Variants in ENOX1 observed in about 807,000 individuals in gnomAD.
ENOX1 encodes candidate growth-related and time keeping constitutive hydroquinone (NADH) oxidase.
A neutral mutation model predicts 82.5 loss-of-function variants in ENOX1; 42 were observed. That is an observed-to-expected ratio of 0.51 (90% CI 0.40 to 0.66). The LOEUF (loss-of-function observed/expected upper bound fraction) is 0.66, where lower values mean the gene tolerates loss of function less well. Ranked by LOEUF, ENOX1 falls within the 30% of genes least tolerant of loss-of-function variation. ENOX1 has a pLI of 0.00. For synonymous variants in ENOX1, 271 were observed against 282.2 expected (o/e 0.96, Z 0.40); for missense variants, 608 against 811.6 (o/e 0.75, Z 3.05).
intron 2 of ENOX1, among the ~76,000 whole-genome samples, chr13:43,658,528 C>A (rs1055370014): frequency 6.6e-6 from 1 of 152,206 alleles, no homozygotes; most frequent in Admixed American, 6.5e-5. Flanking sequence ...GCCTTTTTGT[C>A]TTCCTTGGAA....
intron 12 of ENOX1, among the ~76,000 whole-genome samples, chr13:43,288,887 C>A (rs1429620767): frequency 6.6e-6 from 1 of 152,118 alleles, no homozygotes; most frequent in Non-Finnish European, 1.5e-5. Context: ...GATACAATAA[C>A]TGTGTACAAA....
intron 1 of ENOX1, among the ~76,000 whole-genome samples, chr13:43,716,470 G>A (rs116633561): frequency 0.013 from 1,956 of 152,182 alleles, 36 homozygotes; most frequent in African/African-American, 0.044. Context: ...TCTTCGCTCC[G>A]CCAAGCAGAA....
At chr13:43,412,180 A>C (rs1194879518) in intron 4 of ENOX1, 127 bp from the exon 5 acceptor site, 2 of 1,070,088 alleles carry the variant, frequency 1.9e-6, no homozygotes, top group Non-Finnish European at 2.7e-6. Flanking sequence ...AAAATAAAGA[A>C]CTATAATCTG....
At chr13:43,774,816 A>G (rs1380026116) in intron 1 of ENOX1, among the ~76,000 whole-genome samples, 1 of 151,896 alleles carries the variant, frequency 6.6e-6, no homozygotes, top group Non-Finnish European at 1.5e-5. Context: ...CACATTTACC[A>G]TCCATGCCAC....
At chr13:43,667,402 A>C in intron 2 of ENOX1, 77 bp downstream of exon 2, 2 of 900,678 alleles carry the variant, frequency 2.2e-6, no homozygotes, top group Non-Finnish European at 2.7e-6. Context: ...TGCCAGAGGT[A>C]TAATTAAACT....
chr13:43,391,569 C>T (rs1243647118), intron 5 of ENOX1, among the ~76,000 whole-genome samples: 1 of 152,166 alleles, frequency 6.6e-6, no homozygotes, highest in Non-Finnish European at 1.5e-5. Flanking sequence ...ACTTCATAAA[C>T]CCATTTACCC....
At chr13:43,525,201 C>T (rs1200659094) in intron 2 of ENOX1, among the ~76,000 whole-genome samples, 1 of 152,084 alleles carries the variant, frequency 6.6e-6, no homozygotes, top group South Asian at 2.1e-4. Context: ...CATCACCATC[C>T]ATCCACGGAA....
At chr13:43,685,553 A>G (rs888924741) in intron 1 of ENOX1, among the ~76,000 whole-genome samples, 2 of 152,194 alleles carry the variant, frequency 1.3e-5, no homozygotes, top group African/African-American at 4.8e-5. Flanking sequence ...TTGGCAACTC[A>G]TGCCCTAAAA....
intron 12 of ENOX1, among the ~76,000 whole-genome samples, chr13:43,284,860 A>C (rs2045600934): frequency 6.6e-6 from 1 of 151,680 alleles, no homozygotes; most frequent in African/African-American, 2.4e-5. Flanking sequence ...ACAGAGAAGA[A>C]ACAGAAAGCG....
At chr13:43,441,660 CCG>C (rs1566228233) in intron 3 of ENOX1, among the ~76,000 whole-genome samples, 2 of 151,100 alleles carry the variant, frequency 1.3e-5, no homozygotes, top group Non-Finnish European at 2.9e-5. Flanking sequence ...ACCTACCTGC[CCG>C]AAGGCGGCAC....
In ENOX1 at chr13:43,625,601, C is replaced by T. The variant is rs74528090; in HGVS notation, c.-219+41878G>A. Reference sequence around the variant, plus strand: ...ATTTTTCTGCATCAATCGATATGATCACGTGGCTTCTTTCCTCTAACCTGT... The same window carrying T: ...ATTTTTCTGCATCAATCGATATGATTACGTGGCTTCTTTCCTCTAACCTGT... On this transcript the variant is annotated intron_variant, in intron 2 of 16. Coordinates refer to ENST00000690772, the MANE Select transcript of ENOX1 (RefSeq NM_001347969.2). Among the ~76,000 whole-genome samples, 645 of 152,008 alleles carry T rather than the reference C, an allele frequency of 4.2e-3. 5 individuals carry two copies. The highest frequency in any genetic ancestry group is 0.015 in the African/African-American group (618 of 41,514).
At chr13:43,757,286 T>C (rs1383292534) in intron 1 of ENOX1, among the ~76,000 whole-genome samples, 1 of 152,188 alleles carries the variant, frequency 6.6e-6, no homozygotes, top group Non-Finnish European at 1.5e-5. Flanking sequence ...TCCCCATCCC[T>C]TGAACCTGGA....
At chr13:43,608,498 T>C (rs1329286) in intron 2 of ENOX1, among the ~76,000 whole-genome samples, 151,053 of 152,208 alleles carry the variant, frequency 0.99, 74,960 homozygotes, top group Middle Eastern at 1. Context: ...TACAACTTCT[T>C]CTTGATGACT....
intron 1 of ENOX1, among the ~76,000 whole-genome samples, chr13:43,758,475 GGA>G: frequency 6.9e-6 from 1 of 145,304 alleles, no homozygotes. Flanking sequence ...GACAGAGGAG[GGA>G]CAAGAAGAGA....
intron 3 of ENOX1, among the ~76,000 whole-genome samples, chr13:43,452,836 T>C (rs2057038493): frequency 6.6e-6 from 1 of 152,196 alleles, no homozygotes; most frequent in Admixed American, 6.6e-5. Context: ...TTATTCTTTT[T>C]AAAGACTCCA....
intron 1 of ENOX1, among the ~76,000 whole-genome samples, chr13:43,748,545 T>C (rs1381713604): frequency 6.6e-6 from 1 of 152,202 alleles, no homozygotes; most frequent in Non-Finnish European, 1.5e-5. Flanking sequence ...TAAGTATTTC[T>C]ATCAAGGACT....
rs533249095 is a variant in ENOX1, at chr13:43,319,507, A to G, written c.1261+2877T>C. ...AAGGTATCATATAAGTCCTTACACAATAAATTGTGCCTTTCCTAAAAACCA... is the reference window on the plus strand; with the variant it reads ...AAGGTATCATATAAGTCCTTACACAGTAAATTGTGCCTTTCCTAAAAACCA... On this transcript the variant is annotated intron_variant, in intron 11 of 16. Coordinates refer to ENST00000690772, the MANE Select transcript of ENOX1 (RefSeq NM_001347969.2). 7.2e-5 allele frequency among the ~76,000 whole-genome samples: 11 copies of G among 152,342 alleles called. No homozygotes were observed. In the South Asian group the frequency reaches 2.3e-3, roughly 32 times the overall value.
intron 1 of ENOX1, among the ~76,000 whole-genome samples, chr13:43,681,073 A>G (rs1243045884): frequency 6.6e-6 from 1 of 152,162 alleles, no homozygotes; most frequent in African/African-American, 2.4e-5. Flanking sequence ...AGAGAAGGCC[A>G]CACTTGCTGC....
chr13:43,546,093 A>G (rs535581884), intron 2 of ENOX1: 3 of 152,380 alleles, frequency 2.0e-5, no homozygotes, highest in African/African-American at 7.2e-5. Context: ...TTTAAGTGCT[A>G]GGAATACGGT....
Sources: gnomAD v4.1 joint callset for allele counts (sites outside exome capture counted in the v4.1 genomes callset) on GRCh38, gnomAD v4.1.1 for gene constraint, MANE v1.5 for transcripts, NCBI Gene and HGNC (gene_info 2026-07-23, HGNC 2026-07-21) for gene names.